Variants in TMX4 observed in about 807,000 individuals in gnomAD.
TMX4 encodes the protein thioredoxin related transmembrane protein 4, also known as thioredoxin-related transmembrane protein 4.
In TMX4, 23 loss-of-function variants were observed where a neutral mutation model predicts 33.3. The observed-to-expected ratio is 0.69, with a 90% confidence interval of 0.50 to 0.98. The LOEUF (loss-of-function observed/expected upper bound fraction) is 0.98. TMX4 is among the 50% of genes least tolerant of loss of function. The pLI is 0.00. For synonymous variants in TMX4, 164 were observed against 161.5 expected (o/e 1.02, Z -0.12); for missense variants, 399 against 448.9 (o/e 0.89, Z 1.01).
chr20:7,986,986 T>TTC lies in TMX4; in HGVS notation c.615+301_615+302insGA, dbSNP rs1287831577. ...ATGTGTGAAATCACAGCTGACTCAGTTGTCTTAGAAACTATCAATTCTAGT... is the reference window on the plus strand; with the variant it reads ...ATGTGTGAAATCACAGCTGACTCAGTTCTGTCTTAGAAACTATCAATTCTAGT... On this transcript the variant is annotated intron_variant, in intron 6 of 7. Coordinates refer to ENST00000246024, the MANE Select transcript of TMX4 (RefSeq NM_021156.4). Among the ~76,000 whole-genome samples, 5 of 152,000 alleles carry TTC rather than the reference T, an allele frequency of 3.3e-5. No homozygotes were observed. The East Asian group carries it at 9.7e-4, about 29-fold the overall frequency.
intron 1 of TMX4, among the ~76,000 whole-genome samples, chr20:8,013,555 T>C (rs535745308): frequency 9.2e-5 from 14 of 152,360 alleles, no homozygotes; most frequent in Admixed American, 3.3e-4. Flanking sequence ...ATGTTTTTGT[T>C]GTCCACGTTT....
Position 7,987,309 on chromosome 20 carries a change from A to G in TMX4, c.594T>C (p.Val198=). 6.3e-7 allele frequency: 1 copy of G among 1,594,006 alleles called. No individual in the cohort carries two copies. Among genetic ancestry groups the G allele is most frequent in the Non-Finnish European group, 8.5e-7 (1 of 1,174,510 alleles). ...SYVFFVIATL[V]FGLFMGLVLV... is the part of the protein sequence containing the mutation. ...TTACCAGACCCATAAAAAGGCCAAAAACCAAGGTGGCTATGACGAAAAAGA... is the reference window on the plus strand; with the variant it reads ...TTACCAGACCCATAAAAAGGCCAAAGACCAAGGTGGCTATGACGAAAAAGA... The change falls in exon 6 of 8, where the codon GTT becomes GTC. Residue 198 remains valine, a synonymous_variant. Coordinates refer to ENST00000246024, the MANE Select transcript of TMX4 (RefSeq NM_021156.4).
intron 6 of TMX4, among the ~76,000 whole-genome samples, chr20:7,986,932 T>C (rs1234781186): frequency 6.6e-6 from 1 of 151,866 alleles, no homozygotes; most frequent in East Asian, 1.9e-4. Context: ...CTTGGCCTTA[T>C]CACTACAGTG....
intron 2 of TMX4, among the ~76,000 whole-genome samples, chr20:8,006,035 A>C (rs2050728659): frequency 6.6e-6 from 1 of 152,162 alleles, no homozygotes; most frequent in African/African-American, 2.4e-5. Flanking sequence ...TGACGAACAC[A>C]AGCCACCTAT....
Position 7,999,727 on chromosome 20 carries a change from G to A in TMX4, c.467+5C>T, listed in dbSNP as rs1322252743. 6.2e-7 allele frequency: 1 copy of A among 1,608,658 alleles called. No homozygotes were observed. The highest frequency in any genetic ancestry group is 1.3e-5 in the African/African-American group (1 of 74,502). On this transcript the variant is annotated splice_donor_5th_base_variant and intron_variant, in intron 4 of 7. Coordinates refer to ENST00000246024, the MANE Select transcript of TMX4 (RefSeq NM_021156.4). ...GTAACACCTTGTCTTAAAAAATTGA[G>A]TTACGTTAGAGAAGCCGGGGATTTC...
chr20:7,980,788 AG>A lies in TMX4; in HGVS notation c.*1462del, dbSNP rs1298250020. The stretch of plus-strand genomic sequence containing the variant: ...TCTTCATTCAACCACAGGAGGGCAG[AG>A]AGTTTCAGAACCTCCCCCACCAGTG... On this transcript the variant is annotated 3_prime_UTR_variant, in exon 8 of 8. Transcript: ENST00000246024. 1 of 152,248 alleles carries A rather than the reference AG, an allele frequency of 6.6e-6. No individual in the cohort carries two copies. The highest frequency in any genetic ancestry group is 1.5e-5 in the Non-Finnish European group (1 of 68,058). 9.4% of individuals were successfully genotyped at this position (152,248 alleles called of 1,614,324 possible).
intron 3 of TMX4, among the ~76,000 whole-genome samples, chr20:8,000,831 T>G (rs1319164287): frequency 6.6e-6 from 1 of 152,150 alleles, no homozygotes; most frequent in Non-Finnish European, 1.5e-5. Flanking sequence ...GAAGGGCAAG[T>G]CACACTTATC....
chr20:7,993,477 C>G lies in TMX4; in HGVS notation c.513+2549G>C, dbSNP rs560738094. Among the ~76,000 whole-genome samples, 17 of 152,248 alleles carry G rather than the reference C, an allele frequency of 1.1e-4. No individual in the cohort carries two copies. In the South Asian group the frequency reaches 3.5e-3, roughly 32 times the overall value. ...CAGGCAGGGCAGTCAGCTGGAAGGA[C>G]TCGCTGAGTAAGTGGCTCTATAAAG... On this transcript the variant is annotated intron_variant, in intron 5 of 7. Coordinates refer to ENST00000246024, the MANE Select transcript of TMX4 (RefSeq NM_021156.4).
intron 1 of TMX4, 78 bp from the exon 2 acceptor site, chr20:8,010,393 T>TA (rs1309358896): frequency 2.2e-6 from 2 of 890,066 alleles, no homozygotes; most frequent in Non-Finnish European, 3.1e-6. Flanking sequence ...GTATTTAAAT[T>TA]AAAAAATAAA....
chr20:8,012,243 C>T (rs1277558004), intron 1 of TMX4, among the ~76,000 whole-genome samples: 1 of 152,068 alleles, frequency 6.6e-6, no homozygotes, highest in Non-Finnish European at 1.5e-5. Flanking sequence ...TCTCTCCATG[C>T]CTCAGTTTCC....
At chr20:7,989,140 A>G (rs1430908297) in intron 5 of TMX4, among the ~76,000 whole-genome samples, 3 of 152,190 alleles carry the variant, frequency 2.0e-5, no homozygotes. Context: ...AATTTACTGT[A>G]TAGTTTCCTA....
At chr20:8,019,396 C>A in intron 1 of TMX4, 42 bp downstream of exon 1, 1 of 1,504,858 alleles carries the variant, frequency 6.6e-7, no homozygotes, top group Non-Finnish European at 8.9e-7. Flanking sequence ...GGGTGACGCC[C>A]GCGAGGACAC....
intron 5 of TMX4, among the ~76,000 whole-genome samples, chr20:7,991,350 C>T (rs1173869144): frequency 1.3e-5 from 2 of 152,220 alleles, no homozygotes; most frequent in South Asian, 2.1e-4. Context: ...AAATGCTAAA[C>T]TTAGTTCGCA....
At chr20:8,011,402 T>A (rs6140497) in intron 1 of TMX4, among the ~76,000 whole-genome samples, 1 of 151,658 alleles carries the variant, frequency 6.6e-6, no homozygotes, top group Non-Finnish European at 1.5e-5. Flanking sequence ...AGGCTCAAAG[T>A]TGCCTGTCAG....
intron 2 of TMX4, among the ~76,000 whole-genome samples, chr20:8,006,011 GT>G (rs75225974): frequency 0.16 from 23,897 of 152,106 alleles, 2,413 homozygotes; most frequent in East Asian, 0.55. Flanking sequence ...AGGCAGGGGG[GT>G]GTCTAATTGA....
At chr20:7,999,470 G>A (rs994705816) in intron 4 of TMX4, among the ~76,000 whole-genome samples, 1 of 152,192 alleles carries the variant, frequency 6.6e-6, no homozygotes, top group Non-Finnish European at 1.5e-5. Context: ...AATAGTCATT[G>A]TGGCTTAGTG....
chr20:7,988,639 A>C (rs2050640589), intron 5 of TMX4, among the ~76,000 whole-genome samples: 2 of 152,210 alleles, frequency 1.3e-5, no homozygotes, highest in Non-Finnish European at 2.9e-5. Context: ...TTCATACGAA[A>C]GGCAAACACA....
intron 6 of TMX4, among the ~76,000 whole-genome samples, chr20:7,985,280 T>A (rs1016263812): frequency 7.6e-5 from 11 of 144,484 alleles, no homozygotes; most frequent in East Asian, 4.5e-4. Flanking sequence ...TATATATATT[T>A]TTTTTTTTTT....
intron 7 of TMX4, among the ~76,000 whole-genome samples, chr20:7,982,948 A>G (rs554883513): frequency 9.8e-5 from 15 of 152,340 alleles, no homozygotes; most frequent in South Asian, 8.3e-4. Flanking sequence ...GAAATGTGAC[A>G]TGCTAAGCCA....
Sources: gnomAD v4.1 joint callset for allele counts (sites outside exome capture counted in the v4.1 genomes callset) on GRCh38, gnomAD v4.1.1 for gene constraint, MANE v1.5 for transcripts, NCBI Gene and HGNC (gene_info 2026-07-23, HGNC 2026-07-21) for gene names.